The following PDE1C variants were observed in gnomAD, a reference collection of about 807,000 sequenced individuals.
PDE1C encodes the protein dual specificity calcium/calmodulin-dependent 3',5'-cyclic nucleotide phosphodiesterase 1C.
Under a neutral mutation model 93.1 loss-of-function variants are expected in PDE1C, and 62 were observed. The ratio of observed to expected loss-of-function variants is 0.67; its 90% CI spans 0.54 to 0.82. The LOEUF is 0.82. Among genes scored for constraint, PDE1C ranks in the 40% least tolerant of loss-of-function variants. PDE1C has a pLI of 0.00. For missense variants in PDE1C, 742 were observed against 884.6 expected, an observed-to-expected ratio of 0.84 and a Z score of 2.04; for synonymous variants, 325 against 310.1, an observed-to-expected ratio of 1.05 and a Z score of -0.50.
chr7:32,182,711 C>T (rs1028995221), intron 2 of PDE1C, among the ~76,000 whole-genome samples: 4 of 152,168 alleles, frequency 2.6e-5, no homozygotes, highest in African/African-American at 9.7e-5. Context: ...TGGGCAAAAA[C>T]TGGAAGCATT....
At chr7:32,078,975 G>A (rs17160861) in intron 3 of PDE1C, among the ~76,000 whole-genome samples, 3,991 of 152,072 alleles carry the variant, frequency 0.026, 177 homozygotes, top group African/African-American at 0.088. Context: ...TTGCCAATAG[G>A]GAAGCATTAA....
intron 17 of PDE1C, among the ~76,000 whole-genome samples, chr7:31,756,094 C>T (rs1023235578): frequency 2.0e-5 from 3 of 152,088 alleles, no homozygotes; most frequent in Non-Finnish European, 4.4e-5. Flanking sequence ...ATCGCTTGAA[C>T]CTGGGAGGTG....
At chr7:31,646,758 A>T in the PDE1C span, among the ~76,000 whole-genome samples, 1 of 152,200 alleles carries the variant, frequency 6.6e-6, no homozygotes. Flanking sequence ...CTGTCCTCAG[A>T]CGTGGGTAGA....
the PDE1C span, among the ~76,000 whole-genome samples, chr7:31,630,230 T>C: frequency 2.4e-3 from 96 of 39,192 alleles, no homozygotes; most frequent in African/African-American, 8.0e-3. Context: ...TCAAAGAAAA[T>C]AGAGTCTACT....
intron 2 of PDE1C, among the ~76,000 whole-genome samples, chr7:31,886,872 ATCT>A (rs1583793586): frequency 2.0e-5 from 3 of 151,874 alleles, no homozygotes; most frequent in Admixed American, 6.6e-5. Context: ...ATCTATTCGG[ATCT>A]ATTCAGGGGC....
intron 1 of PDE1C, among the ~76,000 whole-genome samples, chr7:32,218,356 AG>A (rs1490557478): frequency 6.6e-6 from 1 of 152,242 alleles, no homozygotes; most frequent in Non-Finnish European, 1.5e-5. Context: ...ATGATGCATC[AG>A]GGCTGATAAT....
chr7:31,844,858 C>T (rs1792354852), intron 9 of PDE1C, among the ~76,000 whole-genome samples: 1 of 151,994 alleles, frequency 6.6e-6, no homozygotes, highest in South Asian at 2.1e-4. Flanking sequence ...TTTTTCAAAT[C>T]AAATAATTTC....
At chr7:31,851,655 A>T (rs1409206233) in intron 7 of PDE1C, among the ~76,000 whole-genome samples, 1 of 152,196 alleles carries the variant, frequency 6.6e-6, no homozygotes, top group Admixed American at 6.5e-5. Context: ...TGCCTACATG[A>T]TTCAGTATGA....
chr7:31,639,771 C>T, the PDE1C span, among the ~76,000 whole-genome samples: 2,460 of 151,644 alleles, frequency 0.016, 71 homozygotes, highest in African/African-American at 0.055. Context: ...CTCCTGACCT[C>T]GTGATCTGCC....
the PDE1C span, chr7:31,656,258 G>A: frequency 5.6e-6 from 1 of 177,300 alleles, no homozygotes; most frequent in East Asian, 1.9e-4. Flanking sequence ...GTTTAAGAGA[G>A]ACTATCTGGA....
At chr7:31,898,020 TTGTGTGTG>T (rs140101637) in intron 2 of PDE1C, among the ~76,000 whole-genome samples, 42 of 146,050 alleles carry the variant, frequency 2.9e-4, no homozygotes, top group African/African-American at 7.7e-4. Flanking sequence ...TTTGGTTTCT[TTGTGTGTG>T]TGTGTGTGTG....
the PDE1C span, among the ~76,000 whole-genome samples, chr7:31,733,776 A>T: frequency 3.3e-5 from 5 of 152,222 alleles, no homozygotes; most frequent in African/African-American, 1.2e-4. Context: ...GGGTGGGTCA[A>T]CCTGAGGTCA....
chr7:31,862,313 T>A (rs745856200), intron 7 of PDE1C, among the ~76,000 whole-genome samples: 3 of 152,216 alleles, frequency 2.0e-5, no homozygotes, highest in Non-Finnish European at 4.4e-5. Flanking sequence ...ACAAGAGTAC[T>A]GATACCCTCT....
At chr7:32,422,227 C>T (rs1785445892) in intron 1 of PDE1C, among the ~76,000 whole-genome samples, 1 of 152,174 alleles carries the variant, frequency 6.6e-6, no homozygotes, top group Non-Finnish European at 1.5e-5. Context: ...GTTGCAGGTG[C>T]TACAAATGTT....
chr7:31,713,793 C>T, the PDE1C span, among the ~76,000 whole-genome samples: 3 of 152,238 alleles, frequency 2.0e-5, no homozygotes, highest in African/African-American at 7.2e-5. Flanking sequence ...TCTGAAGCCA[C>T]AGCCTGAGCT....
intron 2 of PDE1C, among the ~76,000 whole-genome samples, chr7:32,031,990 A>G (rs1442357722): frequency 1.3e-5 from 2 of 151,868 alleles, no homozygotes; most frequent in Non-Finnish European, 2.9e-5. Context: ...ATGCTTGGCC[A>G]CCTGACTTTG....
intron 3 of PDE1C, among the ~76,000 whole-genome samples, chr7:32,135,001 T>G (rs1302152376): frequency 1.3e-5 from 2 of 152,068 alleles, no homozygotes; most frequent in Admixed American, 6.6e-5. Flanking sequence ...AAAGTGGCAA[T>G]AAGATTTGAC....
chr7:32,122,340 C>T (rs1319240436), intron 3 of PDE1C, among the ~76,000 whole-genome samples: 1 of 152,196 alleles, frequency 6.6e-6, no homozygotes, highest in Non-Finnish European at 1.5e-5. Context: ...ATATTCAAGA[C>T]TTGAAGTCAG....
chr7:31,621,936 A>G, the PDE1C span, among the ~76,000 whole-genome samples: 37,421 of 149,690 alleles, frequency 0.25, 5,524 homozygotes, highest in Non-Finnish European at 0.33. Context: ...GAAAACAAAA[A>G]AAGGCAGGGG....
Sources: gnomAD v4.1 joint callset for allele counts (sites outside exome capture counted in the v4.1 genomes callset) on GRCh38, gnomAD v4.1.1 for gene constraint, MANE v1.5 for transcripts, NCBI Gene and HGNC (gene_info 2026-07-23, HGNC 2026-07-21) for gene names.